GLT8D1: variants seen among roughly 807,000 people sequenced by gnomAD.
The protein encoded by GLT8D1 is glycosyltransferase 8 domain containing 1.
A neutral mutation model predicts 46.2 loss-of-function variants in GLT8D1; 41 were observed. The ratio of observed to expected loss-of-function variants is 0.89; its 90% CI spans 0.69 to 1.15. The LOEUF is 1.15. Among genes scored for constraint, GLT8D1 ranks in the 50% most tolerant of loss-of-function variants. GLT8D1 has a pLI of 0.00. For synonymous variants in GLT8D1, 150 were observed against 154.2 expected (o/e 0.97, Z 0.20); for missense variants, 408 against 449.3 (o/e 0.91, Z 0.83).
rs1249442164 is a variant in GLT8D1 at position 52,695,689 on chromosome 3, T to C, written c.646-102A>G. 3 of 727,470 alleles carry C rather than the reference T, an allele frequency of 4.1e-6. No individual in the cohort carries two copies. The East Asian group carries it at 7.6e-5, about 18-fold the overall frequency. 45.1% of individuals were successfully genotyped at this position (727,470 alleles called of 1,614,324 possible). On this transcript the variant is annotated intron_variant, in intron 7 of 9. Transcript: ENST00000266014. ...AGCTGTTAAACTGACTTCTTCAGAT[T>C]AGAAAATAAATATTTGAAATTCCAA...
At chr3:52,699,610 A>G (rs1456541002) in intron 3 of GLT8D1, among the ~76,000 whole-genome samples, 1 of 152,164 alleles carries the variant, frequency 6.6e-6, no homozygotes, top group Non-Finnish European at 1.5e-5. Context: ...AAGTTTTGGG[A>G]TTACAGGCAT....
intron 5 of GLT8D1, 27 bp from the exon 6 acceptor site, chr3:52,696,345 A>G: frequency 2.1e-6 from 3 of 1,435,670 alleles, no homozygotes; most frequent in Non-Finnish European, 3.0e-6. Context: ...TAATTGGCAT[A>G]GGATACCGCA....
chr3:52,695,562 T>C lies in GLT8D1; in HGVS notation c.671A>G (p.Tyr224Cys). The C allele has an allele frequency of 6.2e-7, 1 of 1,605,050 alleles. No individual in the cohort carries two copies. The highest frequency in any genetic ancestry group is 8.5e-7 in the Non-Finnish European group (1 of 1,171,882). ...NQYNYIGYLD[Y>C]KKERIRKLSM... The stretch of plus-strand genomic sequence containing the variant: ...AAGCTTACGAATTCTTTCCTTTTTA[T>C]AGTCAAGATAGCCAATGTAATTGTA... Residue 224 changes from tyrosine (Y) to cysteine (C), a missense_variant, in exon 8 of 10, where the codon TAT becomes TGT. Tyr to Cys is a radical substitution (Grantham distance 194, BLOSUM62 -2). Transcript: ENST00000266014.
At position 52,695,605 on chromosome 3, in the gene GLT8D1, A is replaced by G; in HGVS notation, c.646-18T>C. On this transcript the variant is annotated intron_variant, in intron 7 of 9. Coordinates refer to ENST00000266014, the MANE Select transcript of GLT8D1 (RefSeq NM_018446.4). ...TAATTGTACTAAAAACACAAATAGG[A>G]TATATGTACTTACTGCTTCAAACAA... The G allele has an allele frequency of 2.7e-6, 4 of 1,460,254 alleles. No individual in the cohort carries two copies. The highest frequency in any genetic ancestry group is 3.8e-6 in the Non-Finnish European group (4 of 1,043,660). 90.5% of individuals were successfully genotyped at this position (1,460,254 alleles called of 1,614,324 possible). A position where few individuals can be genotyped will look rare whatever the true frequency, so the allele number is the denominator to read the frequency against.
In GLT8D1 at chr3:52,694,921, T is replaced by C. The variant is rs1207045247; in HGVS notation, c.1040A>G (p.Glu347Gly). 7.4e-6 allele frequency: 12 copies of C among 1,611,060 alleles called. No homozygotes were observed. Among genetic ancestry groups the C allele is most frequent in the Non-Finnish European group, 8.5e-6 (10 of 1,177,174 alleles). The change falls in exon 10 of 10, where the codon GAA (glutamate) becomes GGA (glycine). Residue 347 changes from glutamate (E) to glycine (G), a missense_variant. Physicochemically the swap from Glu to Gly is moderately conservative, Grantham distance 98. Coordinates refer to ENST00000266014, the MANE Select transcript of GLT8D1 (RefSeq NM_018446.4). ...GRTASYTDVW[E>G]KWYIPDPTGK... ...TGTTGGGTCTGGAATATACCATTTT[T>C]CCCAAACATCAGTATATGAAGCAGT...
Position 52,694,884 on chromosome 3 carries a change from G to A in GLT8D1, c.1077C>T (p.Asn359=), listed in dbSNP as rs762654345. ...WYIPDPTGKF[N]LIRRYTEISN... ...AGATCTCGGTATATCTTCGGATTAG[G>A]TTGAATTTGCCTGTTGGGTCTGGAA... The change falls in exon 10 of 10, where the codon AAC becomes AAT. Residue 359 remains asparagine, a synonymous_variant. Transcript: ENST00000266014. 6.2e-7 allele frequency: 1 copy of A among 1,612,164 alleles called. No homozygotes were observed. The highest frequency in any genetic ancestry group is 8.5e-7 in the Non-Finnish European group (1 of 1,178,354).
intron 3 of GLT8D1, among the ~76,000 whole-genome samples, chr3:52,698,310 G>A (rs545915197): frequency 3.9e-5 from 6 of 152,238 alleles, no homozygotes; most frequent in Non-Finnish European, 7.4e-5. Flanking sequence ...TTCAAGTCAC[G>A]AATCACAAGT....
chr3:52,696,681 A>G (rs754047790), intron 4 of GLT8D1, 22 bp from the exon 5 acceptor site: 12 of 1,286,252 alleles, frequency 9.3e-6, no homozygotes, highest in Admixed American at 8.5e-5. Context: ...AAAACACTAC[A>G]TTTTAGTTTC....
At chr3:52,702,635 G>A (rs1018527972) in intron 1 of GLT8D1, among the ~76,000 whole-genome samples, 1 of 152,122 alleles carries the variant, frequency 6.6e-6, no homozygotes, top group Non-Finnish European at 1.5e-5. Flanking sequence ...AGGTGGCTGG[G>A]GTGGGAGGCT....
intron 9 of GLT8D1, 65 bp downstream of exon 9, chr3:52,695,125 C>A: frequency 7.0e-7 from 1 of 1,421,798 alleles, no homozygotes; most frequent in Non-Finnish European, 9.9e-7. Flanking sequence ...TATACCCCAT[C>A]CCTGAGGATA....
In GLT8D1 at chr3:52,694,812, T is replaced by G; in HGVS notation, c.*33A>C. The G allele has an allele frequency of 9.5e-6, 14 of 1,475,450 alleles. No homozygotes were observed. The highest frequency in any genetic ancestry group is 1.2e-5 in the Non-Finnish European group (13 of 1,053,724). 91.4% of individuals were successfully genotyped at this position (1,475,450 alleles called of 1,614,324 possible). On this transcript the variant is annotated 3_prime_UTR_variant, in exon 10 of 10. Transcript: ENST00000266014. ...ACGCATGCTATCTTCCAGGACTTCC[T>G]GAGAAATGCTTGCTTACAGTTCAAA...
At chr3:52,702,576 CTG>C (rs1425146672) in intron 1 of GLT8D1, among the ~76,000 whole-genome samples, 2 of 151,826 alleles carry the variant, frequency 1.3e-5, no homozygotes, top group Non-Finnish European at 2.9e-5. Context: ...GCAATAAAAA[CTG>C]TGGATCAGCC....
In GLT8D1 at chr3:52,700,308, G is replaced by T; in HGVS notation, c.69C>A (p.His23Gln). The T allele has an allele frequency of 6.2e-7, 1 of 1,613,788 alleles. No individual in the cohort carries two copies. The highest frequency in any genetic ancestry group is 8.5e-7 in the Non-Finnish European group (1 of 1,179,740). ...AACTGCTCAAGCTGAGGAAGTTATG[G>T]TGCAAAACCAGTAAGAAGAGAGCAA... ...LAVALFLLVL[H>Q]HNFLSLSSLL... Residue 23 changes from histidine to glutamine, a missense_variant, in exon 3 of 10, where the codon CAC (histidine) becomes CAA (glutamine). Coordinates refer to ENST00000266014, the MANE Select transcript of GLT8D1 (RefSeq NM_018446.4).
Position 52,700,369 on chromosome 3 carries a change from G to C in GLT8D1, c.17-9C>G, listed in dbSNP as rs756849873. ...CAAGATGATGATGTTTACTGAAATA[G>C]ATAGGGAAAACCTATGTTATACCTC... On this transcript the variant is annotated splice_polypyrimidine_tract_variant and intron_variant, in intron 2 of 9. Coordinates refer to ENST00000266014, the MANE Select transcript of GLT8D1 (RefSeq NM_018446.4). 3.1e-6 allele frequency: 5 copies of C among 1,607,096 alleles called. No homozygotes were observed. Among genetic ancestry groups the C allele is most frequent in the Admixed American group, 1.7e-5 (1 of 59,800 alleles).
At chr3:52,695,384 C>G in intron 8 of GLT8D1, 37 bp downstream of exon 8, 1 of 1,597,628 alleles carries the variant, frequency 6.3e-7, no homozygotes, top group African/African-American at 1.3e-5. Context: ...AATTGAAATA[C>G]AACAGTTTTT....
chr3:52,704,224 C>T (rs1444602992), intron 1 of GLT8D1, among the ~76,000 whole-genome samples: 2 of 151,368 alleles, frequency 1.3e-5, no homozygotes, highest in African/African-American at 2.4e-5. Context: ...TTTGGAAGGC[C>T]GAGGTGGGTG....
rs765142070 is a variant in GLT8D1, at chr3:52,696,214, CATG to C, written c.532+17_532+19del. On this transcript the variant is annotated intron_variant, in intron 6 of 9. Coordinates refer to ENST00000266014, the MANE Select transcript of GLT8D1 (RefSeq NM_018446.4). ...CCCAATCTGGGTGGAGAACAGCACT[CATG>C]GTGACATTTTTGATACCTTGCACAA... 4.1e-5 allele frequency: 62 copies of C among 1,511,718 alleles called. No homozygotes were observed. Among genetic ancestry groups the C allele is most frequent in the Non-Finnish European group, 5.5e-5 (60 of 1,086,550 alleles). 93.6% of individuals were successfully genotyped at this position (1,511,718 alleles called of 1,614,324 possible). A position where few individuals can be genotyped will look rare whatever the true frequency, so the allele number is the denominator to read the frequency against.
chr3:52,701,669 A>G (rs2097339551), intron 1 of GLT8D1, among the ~76,000 whole-genome samples: 1 of 152,128 alleles, frequency 6.6e-6, no homozygotes, highest in South Asian at 2.1e-4. Flanking sequence ...GCCCGGCCAA[A>G]AAAACATTTA....
intron 8 of GLT8D1, 42 bp from the exon 9 acceptor site, chr3:52,695,344 T>C (rs1297420271): frequency 1.3e-6 from 2 of 1,583,702 alleles, no homozygotes; most frequent in African/African-American, 1.3e-5. Flanking sequence ...TGAAAAGTAC[T>C]GACTAACTCC....
Sources: allele counts gnomAD v4.1 joint callset (sites outside exome capture counted in the v4.1 genomes callset), GRCh38; gene constraint gnomAD v4.1.1; transcripts MANE v1.5; gene names NCBI Gene and HGNC (gene_info 2026-07-23, HGNC 2026-07-21).